SLC26A7: variants seen among roughly 807,000 people sequenced by gnomAD.
SLC26A7 encodes the protein solute carrier family 26 member 7.
SLC26A7 carries 59 observed loss-of-function variants against 82.5 expected under a neutral mutation model. That is an observed-to-expected ratio of 0.72 (90% CI 0.58 to 0.89). The LOEUF is 0.89. Among genes scored for constraint, SLC26A7 ranks in the 40% least tolerant of loss-of-function variants. The pLI, the probability that SLC26A7 is intolerant of heterozygous loss-of-function variation, is 0.00. For synonymous variants in SLC26A7, 271 were observed against 274.3 expected (o/e 0.99, Z 0.12); for missense variants, 820 against 793.0 (o/e 1.03, Z -0.41).
At chr8:91,234,890 C>T (rs967969201) in intron 2 of SLC26A7, among the ~76,000 whole-genome samples, 7 of 141,956 alleles carry the variant, frequency 4.9e-5, no homozygotes, top group Admixed American at 4.2e-4. Flanking sequence ...CTTCCTTTCT[C>T]TCTCTCTCTC....
chr8:91,345,980 C>G (rs1382996784), intron 9 of SLC26A7, among the ~76,000 whole-genome samples: 33 of 152,048 alleles, frequency 2.2e-4, no homozygotes, highest in Non-Finnish European at 2.9e-5. Flanking sequence ...AAAGCAGCGC[C>G]CCTTCTCTTC....
intron 15 of SLC26A7, among the ~76,000 whole-genome samples, chr8:91,377,373 C>T (rs777053603): frequency 6.6e-6 from 1 of 152,074 alleles, no homozygotes; most frequent in South Asian, 2.1e-4. Flanking sequence ...GAGTGCCCAC[C>T]CATAGAAGTG....
chr8:91,300,060 T>C (rs563762783), intron 4 of SLC26A7, among the ~76,000 whole-genome samples: 1 of 152,276 alleles, frequency 6.6e-6, no homozygotes, highest in African/African-American at 2.4e-5. Context: ...GCTGATACTT[T>C]TATTGGGATT....
At chr8:91,336,972 A>G (rs372395069) in intron 6 of SLC26A7, among the ~76,000 whole-genome samples, 10 of 152,160 alleles carry the variant, frequency 6.6e-5, no homozygotes, top group African/African-American at 2.4e-4. Context: ...ATTTTTAAGT[A>G]TGTTAATATG....
intron 2 of SLC26A7, among the ~76,000 whole-genome samples, chr8:91,278,171 A>G (rs995768989): frequency 3.9e-5 from 6 of 152,028 alleles, no homozygotes; most frequent in African/African-American, 1.2e-4. Context: ...GTTGGCATGT[A>G]TGAGTGGGCA....
chr8:91,335,321 C>T (rs1813211424), intron 6 of SLC26A7, among the ~76,000 whole-genome samples: 1 of 152,070 alleles, frequency 6.6e-6, no homozygotes, highest in Non-Finnish European at 1.5e-5. Context: ...ATAAGAAAGG[C>T]TTCTCTCCAT....
At chr8:91,375,411 T>C (rs1390737890) in intron 15 of SLC26A7, among the ~76,000 whole-genome samples, 2 of 152,104 alleles carry the variant, frequency 1.3e-5, no homozygotes, top group Admixed American at 1.3e-4. Flanking sequence ...TTTTGAACAT[T>C]TCTTGTAGGG....
At chr8:91,268,819 C>G (rs1039322402) in intron 2 of SLC26A7, among the ~76,000 whole-genome samples, 21 of 151,182 alleles carry the variant, frequency 1.4e-4, no homozygotes, top group African/African-American at 5.1e-4. Context: ...TGTTCTGCTT[C>G]TGTGCTATTT....
Position 91,340,415 on chromosome 8 carries a change from C to G in SLC26A7, c.890C>G (p.Pro297Arg), listed in dbSNP as rs1163492049. ...VGHIPQGIPS[P>R]RAPPMNILSA... ...CCTTCTTTCCACAGAATTCCCTCAC[C>G]TAGAGCTCCCCCGATGAACATCCTC... The change falls in exon 8 of 19, where the codon CCT becomes CGT. Residue 297 changes from proline to arginine, a missense_variant. Pro to Arg is a moderately radical substitution (Grantham distance 103). Coordinates refer to ENST00000276609, the MANE Select transcript of SLC26A7 (RefSeq NM_052832.4). The G allele has an allele frequency of 1.2e-5, 20 of 1,613,838 alleles. No individual in the cohort carries two copies. The highest frequency in any genetic ancestry group is 1.6e-5 in the Non-Finnish European group (19 of 1,179,818).
At chr8:91,342,725 A>G (rs1346541456) in intron 8 of SLC26A7, among the ~76,000 whole-genome samples, 1 of 152,234 alleles carries the variant, frequency 6.6e-6, no homozygotes, top group Non-Finnish European at 1.5e-5. Flanking sequence ...TTGGGTATAC[A>G]GTCTGACATT....
At chr8:91,266,439 C>A (rs1459520260) in intron 2 of SLC26A7, among the ~76,000 whole-genome samples, 1 of 151,824 alleles carries the variant, frequency 6.6e-6, no homozygotes, top group African/African-American at 2.4e-5. Flanking sequence ...TTGTAGAGAT[C>A]TTTCCCATCC....
At chr8:91,384,656 T>C (rs1440132283) in intron 15 of SLC26A7, among the ~76,000 whole-genome samples, 1 of 152,074 alleles carries the variant, frequency 6.6e-6, no homozygotes, top group Non-Finnish European at 1.5e-5. Context: ...TGATTGTGAG[T>C]CTGTTGAGGG....
intron 2 of SLC26A7, among the ~76,000 whole-genome samples, chr8:91,222,213 C>T (rs1810170734): frequency 6.6e-6 from 1 of 152,086 alleles, no homozygotes; most frequent in Admixed American, 6.6e-5. Context: ...GATTTTTGCA[C>T]ATTGATTTTG....
chr8:91,293,375 G>T (rs1811927739), intron 3 of SLC26A7, among the ~76,000 whole-genome samples: 1 of 152,220 alleles, frequency 6.6e-6, no homozygotes, highest in East Asian at 1.9e-4. Flanking sequence ...CAAAGACAAA[G>T]AAGAGACCTA....
chr8:91,348,408 A>C, intron 9 of SLC26A7: 1 of 955,696 alleles, frequency 1.0e-6, no homozygotes, highest in Non-Finnish European at 1.2e-6. Flanking sequence ...AGGTATGGAT[A>C]ATAAAAATGC....
chr8:91,210,562 G>GACACAC (rs35968986), intron 1 of SLC26A7, among the ~76,000 whole-genome samples: 3,348 of 146,154 alleles, frequency 0.023, 133 homozygotes, highest in African/African-American at 0.078. Flanking sequence ...CACACACACA[G>GACACAC]ACACACACAC....
intron 15 of SLC26A7, among the ~76,000 whole-genome samples, chr8:91,371,341 A>G (rs556521388): frequency 1.3e-5 from 2 of 151,922 alleles, no homozygotes; most frequent in East Asian, 1.9e-4. Context: ...TTACACTGGT[A>G]TATTGAAAAT....
At chr8:91,219,407 G>A (rs974265374) in intron 2 of SLC26A7, among the ~76,000 whole-genome samples, 3 of 152,054 alleles carry the variant, frequency 2.0e-5, no homozygotes, top group Admixed American at 1.3e-4. Context: ...TTATATTTGT[G>A]TGATTTCATT....
At chr8:91,272,533 A>G (rs1488102228) in intron 2 of SLC26A7, among the ~76,000 whole-genome samples, 2 of 152,184 alleles carry the variant, frequency 1.3e-5, no homozygotes, top group Non-Finnish European at 2.9e-5. Context: ...TCAAGAGAAA[A>G]TTACGTTTTT....
Sources: allele counts gnomAD v4.1 joint callset (sites outside exome capture counted in the v4.1 genomes callset), GRCh38; gene constraint gnomAD v4.1.1; transcripts MANE v1.5; gene names NCBI Gene and HGNC (gene_info 2026-07-23, HGNC 2026-07-21).